The following DISC1 variants were observed in gnomAD, a reference collection of about 807,000 sequenced individuals.
DISC1 encodes disrupted in schizophrenia 1 protein.
DISC1 carries 57 observed loss-of-function variants against 84.5 expected under a neutral mutation model. That is an observed-to-expected ratio of 0.67 (90% CI 0.55 to 0.84). The LOEUF (loss-of-function observed/expected upper bound fraction) is 0.84, where lower values mean the gene tolerates loss of function less well. Among genes scored for constraint, DISC1 ranks in the 40% least tolerant of loss-of-function variants. DISC1 has a pLI of 0.00. For missense variants in DISC1, 1,000 were observed against 1,057.8 expected (o/e 0.95, Z 0.76); for synonymous variants, 411 against 415.2 (o/e 0.99, Z 0.12).
chr1:231,988,532 T>C (rs1456137461), intron 10 of DISC1, among the ~76,000 whole-genome samples: 1 of 152,174 alleles, frequency 6.6e-6, no homozygotes, highest in Admixed American at 6.5e-5. Context: ...TTAGCGCCTG[T>C]ATAAAAGAGG....
chr1:231,702,364 A>G (rs192080184), intron 3 of DISC1: 15 of 1,036,118 alleles, frequency 1.4e-5, no homozygotes, highest in African/African-American at 6.9e-5. Flanking sequence ...TCTGACACCT[A>G]TGATATGCTA....
rs370638137 is a variant in DISC1 at position 231,796,104 on chromosome 1, C to T, written c.1689+808C>T. Among the ~76,000 whole-genome samples, 10 of 152,150 alleles carry T rather than the reference C, an allele frequency of 6.6e-5. 1 individual carries two copies. Among genetic ancestry groups the T allele is most frequent in the African/African-American group, 2.2e-4 (9 of 41,476 alleles). Reference sequence around the variant, plus strand: ...CCTTGGTTTGTGTACAGACAGAATACGTCTTCACTATTCCCTGAGAGCACA... The same window carrying T: ...CCTTGGTTTGTGTACAGACAGAATATGTCTTCACTATTCCCTGAGAGCACA... On this transcript the variant is annotated intron_variant, in intron 7 of 12. Coordinates refer to ENST00000439617, the MANE Select transcript of DISC1 (RefSeq NM_018662.3).
intron 9 of DISC1, among the ~76,000 whole-genome samples, chr1:231,869,418 G>A (rs2085297146): frequency 6.6e-6 from 1 of 152,130 alleles, no homozygotes; most frequent in Non-Finnish European, 1.5e-5. Flanking sequence ...TCCACTTAAT[G>A]AATAGCGTCT....
At chr1:231,794,660 A>G (rs1179686491) in intron 6 of DISC1, among the ~76,000 whole-genome samples, 1 of 152,180 alleles carries the variant, frequency 6.6e-6, no homozygotes, top group African/African-American at 2.4e-5. Flanking sequence ...CTTAAGTTCC[A>G]GTGGGAGAGA....
At chr1:231,905,575 T>C (rs1445124162) in intron 9 of DISC1, among the ~76,000 whole-genome samples, 1 of 152,004 alleles carries the variant, frequency 6.6e-6, no homozygotes, top group Non-Finnish European at 1.5e-5. Flanking sequence ...TGAGCCATGA[T>C]TGTGTCACTG....
chr1:231,739,860 A>G (rs925311832), intron 3 of DISC1, among the ~76,000 whole-genome samples: 1 of 152,170 alleles, frequency 6.6e-6, no homozygotes, highest in African/African-American at 2.4e-5. Flanking sequence ...AATCTGGGTA[A>G]AGCTTCCTCC....
intron 9 of DISC1, among the ~76,000 whole-genome samples, chr1:231,957,994 T>TA (rs1191767747): frequency 6.6e-6 from 1 of 152,128 alleles, no homozygotes; most frequent in Non-Finnish European, 1.5e-5. Flanking sequence ...AAAACAATGA[T>TA]AAAACCCACA....
chr1:231,922,194 A>C (rs776052728), intron 9 of DISC1, among the ~76,000 whole-genome samples: 5 of 152,222 alleles, frequency 3.3e-5, no homozygotes, highest in African/African-American at 4.8e-5. Context: ...TCTCCATGGA[A>C]TCACCATGAG....
intron 1 of DISC1, among the ~76,000 whole-genome samples, chr1:231,665,883 C>T (rs534597696): frequency 6.6e-6 from 1 of 152,292 alleles, no homozygotes; most frequent in South Asian, 2.1e-4. Flanking sequence ...TTGCATCTCT[C>T]CTTCCCACTG....
intron 9 of DISC1, among the ~76,000 whole-genome samples, chr1:231,909,104 T>C (rs2088958762): frequency 6.6e-6 from 1 of 152,216 alleles, no homozygotes; most frequent in Admixed American, 6.5e-5. Context: ...TATAAAATCA[T>C]GTGATCTGTA....
intron 9 of DISC1, among the ~76,000 whole-genome samples, chr1:231,871,154 C>G (rs1438163982): frequency 1.3e-5 from 2 of 152,160 alleles, no homozygotes; most frequent in African/African-American, 4.8e-5. Flanking sequence ...GTGATGTTCC[C>G]TTTCTTGTTG....
intron 9 of DISC1, among the ~76,000 whole-genome samples, chr1:231,917,034 C>T (rs1321830235): frequency 6.6e-6 from 1 of 152,182 alleles, no homozygotes; most frequent in Non-Finnish European, 1.5e-5. Context: ...GCCATCTACA[C>T]CCTCTTTCGG....
At chr1:231,629,605 A>G (rs2058541646) in intron 1 of DISC1, 1 of 152,616 alleles carries the variant, frequency 6.6e-6, no homozygotes, top group South Asian at 2.1e-4. Flanking sequence ...CTGTAATCTC[A>G]CCAAGGTAGA....
intron 9 of DISC1, among the ~76,000 whole-genome samples, chr1:231,927,168 A>T (rs1192872454): frequency 1.3e-5 from 2 of 152,144 alleles, no homozygotes; most frequent in African/African-American, 4.8e-5. Context: ...GAGGATGGAG[A>T]GGCTCAGCAT....
chr1:231,702,466 T>C, intron 3 of DISC1: 1 of 987,134 alleles, frequency 1.0e-6, no homozygotes, highest in Non-Finnish European at 1.2e-6. Flanking sequence ...CTCTCTGACT[T>C]CATAATTTCC....
intron 1 of DISC1, among the ~76,000 whole-genome samples, chr1:231,653,977 T>C (rs2060849439): frequency 6.6e-6 from 1 of 152,096 alleles, no homozygotes; most frequent in Non-Finnish European, 1.5e-5. Flanking sequence ...TGGAATCCAG[T>C]TGGGTGGGCA....
intron 9 of DISC1, among the ~76,000 whole-genome samples, chr1:231,852,638 A>G (rs939179508): frequency 1.3e-5 from 2 of 152,244 alleles, no homozygotes; most frequent in African/African-American, 4.8e-5. Flanking sequence ...CTCAGGCTTC[A>G]CAGTTTCAAC....
intron 1 of DISC1, among the ~76,000 whole-genome samples, chr1:231,678,657 ATC>A (rs146706314): frequency 6.6e-6 from 1 of 151,086 alleles, no homozygotes; most frequent in East Asian, 1.9e-4. Context: ...ACGTTGCTCT[ATC>A]TCTCTCTCTC....
chr1:231,709,390 T>C (rs1441631587), intron 3 of DISC1, among the ~76,000 whole-genome samples: 5 of 152,098 alleles, frequency 3.3e-5, no homozygotes, highest in African/African-American at 1.2e-4. Context: ...GCTTTGCATC[T>C]GGGTACACGC....
Sources: allele counts gnomAD v4.1 joint callset (sites outside exome capture counted in the v4.1 genomes callset), GRCh38; gene constraint gnomAD v4.1.1; transcripts MANE v1.5; gene names NCBI Gene and HGNC (gene_info 2026-07-23, HGNC 2026-07-21).